PLA2G2D: variants seen among roughly 807,000 people sequenced by gnomAD.
PLA2G2D encodes the protein group IID secretory phospholipase A2.
Under a neutral mutation model 13.9 loss-of-function variants are expected in PLA2G2D, and 17 were observed. The ratio of observed to expected loss-of-function variants is 1.23; its 90% CI spans 0.84 to 1.84. PLA2G2D has a LOEUF of 1.84. Among genes scored for constraint, PLA2G2D ranks in the 40% most tolerant of loss-of-function variants. The pLI is 0.00. For synonymous variants in PLA2G2D, 83 were observed against 69.3 expected, an observed-to-expected ratio of 1.20 and a Z score of -0.98; for missense variants, 194 against 178.7, an observed-to-expected ratio of 1.09 and a Z score of -0.49.
chr1:20,115,126 A>T (rs2016958235), intron 3 of PLA2G2D, among the ~76,000 whole-genome samples: 1 of 152,210 alleles, frequency 6.6e-6, no homozygotes, highest in South Asian at 2.1e-4. Context: ...TGATGATGAA[A>T]GTAACAGCCA....
At chr1:20,114,783 A>AC (rs1001301875) in intron 3 of PLA2G2D, among the ~76,000 whole-genome samples, 7 of 152,158 alleles carry the variant, frequency 4.6e-5, no homozygotes, top group African/African-American at 1.7e-4. Flanking sequence ...AGAGTTGCCT[A>AC]GGGGGCTGTC....
chr1:20,114,241 C>T lies in PLA2G2D; in HGVS notation c.311G>A (p.Cys104Tyr). The T allele has an allele frequency of 6.2e-7, 1 of 1,613,794 alleles. No homozygotes were observed. Among genetic ancestry groups the T allele is most frequent in the East Asian group, 2.2e-5 (1 of 44,880 alleles). ...GTCACAGGCACACAGCTGCTGCTCA[C>T]ACCAGCTTCCCTTGTCAGCTGTGGA... ...NIHCSDKGSW[C>Y]EQQLCACDKE... The change falls in exon 4 of 4, where the codon TGT becomes TAT. Residue 104 changes from cysteine to tyrosine, a missense_variant. Physicochemically the swap from Cys to Tyr is radical, Grantham distance 194. Coordinates refer to ENST00000375105, the MANE Select transcript of PLA2G2D (RefSeq NM_012400.4).
chr1:20,117,651 C>T (rs1466950919), intron 1 of PLA2G2D, among the ~76,000 whole-genome samples: 1 of 152,034 alleles, frequency 6.6e-6, no homozygotes, highest in Admixed American at 6.6e-5. Context: ...TGGAGCTGTG[C>T]CTGTGTGCAA....
intron 1 of PLA2G2D, among the ~76,000 whole-genome samples, chr1:20,117,544 G>A (rs1048363660): frequency 5.3e-5 from 8 of 152,160 alleles, no homozygotes; most frequent in Admixed American, 2.6e-4. Flanking sequence ...TATTTTACTG[G>A]AAGAGAGGAA....
intron 1 of PLA2G2D, among the ~76,000 whole-genome samples, chr1:20,117,122 C>T (rs568214852): frequency 2.0e-5 from 3 of 152,280 alleles, no homozygotes; most frequent in Admixed American, 6.5e-5. Flanking sequence ...TAGAAAGCTC[C>T]TGTATACCCC....
In PLA2G2D at chr1:20,114,248, T is replaced by C. The variant is rs2016939395; in HGVS notation, c.304A>G (p.Ser102Gly). ...QGNIHCSDKG[S>G]WCEQQLCACD... is the part of the protein sequence containing the mutation. The stretch of plus-strand genomic sequence containing the variant: ...GCACACAGCTGCTGCTCACACCAGC[T>C]TCCCTTGTCAGCTGTGGACGGAGAA... Residue 102 changes from serine (S) to glycine (G), a missense_variant, in exon 4 of 4, where the codon AGC (serine) becomes GGC (glycine). By Grantham distance (56) the Ser-to-Gly change is moderately conservative. Transcript: ENST00000375105. 1 of 1,613,424 alleles carries C rather than the reference T, an allele frequency of 6.2e-7. No homozygotes were observed. The highest frequency in any genetic ancestry group is 8.5e-7 in the Non-Finnish European group (1 of 1,179,636).
chr1:20,115,813 C>T (rs1206452378), intron 2 of PLA2G2D, among the ~76,000 whole-genome samples, 200 bp from the exon 3 acceptor site: 1 of 152,204 alleles, frequency 6.6e-6, no homozygotes, highest in Non-Finnish European at 1.5e-5. Context: ...TATGCATTCT[C>T]TCTTACTCCT....
chr1:20,115,753 A>G (rs1407754873), intron 2 of PLA2G2D, 140 bp from the exon 3 acceptor site: 1 of 655,942 alleles, frequency 1.5e-6, no homozygotes, highest in Admixed American at 2.5e-5. Context: ...CAGGATCATG[A>G]TGACTAACAT....
chr1:20,117,244 G>T (rs2017008024), intron 1 of PLA2G2D, among the ~76,000 whole-genome samples: 1 of 152,106 alleles, frequency 6.6e-6, no homozygotes, highest in African/African-American at 2.4e-5. Flanking sequence ...GCAGTTTGAG[G>T]CTCAGTAACT....
Position 20,114,131 on chromosome 1 carries a change from G to GC in PLA2G2D, c.420dup (p.Gln141AlafsTer29). 1 of 1,613,342 alleles carries GC rather than the reference G, an allele frequency of 6.2e-7. No individual in the cohort carries two copies. Among genetic ancestry groups the GC allele is most frequent in the East Asian group, 2.2e-5 (1 of 44,872 alleles). ...GTGGGCTTCTAGCACCCAGGGGTCT[G>GC]CCCCCGGCAGTGGGGCCGCCAGTAG... On this transcript the variant is annotated frameshift_variant, in exon 4 of 4. Transcript: ENST00000375105. LOFTEE classifies it high-confidence loss of function.
chr1:20,114,347 T>G (rs572695588), intron 3 of PLA2G2D, 88 bp from the exon 4 acceptor site: 7 of 1,393,030 alleles, frequency 5.0e-6, no homozygotes, highest in South Asian at 4.1e-5. Flanking sequence ...GTCAGTGCAG[T>G]TCCTACTCAG....
At chr1:20,114,962 C>T (rs1021154356) in intron 3 of PLA2G2D, among the ~76,000 whole-genome samples, 1 of 152,114 alleles carries the variant, frequency 6.6e-6, no homozygotes, top group Non-Finnish European at 1.5e-5. Context: ...GCTTGTGATG[C>T]TGGAAAGGAT....
intron 1 of PLA2G2D, among the ~76,000 whole-genome samples, chr1:20,118,000 T>C (rs1355043203): frequency 5.9e-5 from 9 of 152,084 alleles, no homozygotes; most frequent in Non-Finnish European, 1.2e-4. Context: ...ACATGGTGCC[T>C]CTAGCTGTTA....
chr1:20,114,080 C>T lies in PLA2G2D; in HGVS notation c.*34G>A, dbSNP rs1557766882. The T allele has an allele frequency of 9.4e-6, 15 of 1,597,458 alleles. No individual in the cohort carries two copies. The highest frequency in any genetic ancestry group is 1.2e-5 in the Non-Finnish European group (14 of 1,171,016). ...ATACTGAGGTGGGGATGCCAGAGCT[C>T]CATGCTGAGGAACAGGGTAGAGGGT... On this transcript the variant is annotated 3_prime_UTR_variant, in exon 4 of 4. Coordinates refer to ENST00000375105, the MANE Select transcript of PLA2G2D (RefSeq NM_012400.4).
chr1:20,118,315 G>A (rs1319465157), intron 1 of PLA2G2D, among the ~76,000 whole-genome samples: 1 of 152,164 alleles, frequency 6.6e-6, no homozygotes, highest in Non-Finnish European at 1.5e-5. Context: ...AATACATTCA[G>A]CTTTGATTCA....
At chr1:20,116,746 C>A (rs1280141158) in intron 1 of PLA2G2D, among the ~76,000 whole-genome samples, 1 of 152,022 alleles carries the variant, frequency 6.6e-6, no homozygotes, top group Non-Finnish European at 1.5e-5. Context: ...TTTGAGAGGC[C>A]AAGGTGGGCA....
In PLA2G2D at chr1:20,115,106, C is replaced by A. The variant is rs62541893; in HGVS notation, c.292+401G>T. On this transcript the variant is annotated intron_variant, in intron 3 of 3. Coordinates refer to ENST00000375105, the MANE Select transcript of PLA2G2D (RefSeq NM_012400.4). Reference sequence around the variant, plus strand: ...TTTGCCGATCCTCGACAGGCTGCCACGAGCATCAGTGATGATGAAAGTAAC... The same window carrying A: ...TTTGCCGATCCTCGACAGGCTGCCAAGAGCATCAGTGATGATGAAAGTAAC... 4.6e-5 allele frequency among the ~76,000 whole-genome samples: 7 copies of A among 152,096 alleles called. No individual in the cohort carries two copies. In the East Asian group the frequency reaches 7.7e-4, roughly 17 times the overall value.
In PLA2G2D at chr1:20,112,380, C is replaced by T. The variant is rs768051416; in HGVS notation, c.*1734G>A. 3.3e-5 allele frequency: 5 copies of T among 152,250 alleles called. No individual in the cohort carries two copies. Among genetic ancestry groups the T allele is most frequent in the Non-Finnish European group, 7.3e-5 (5 of 68,092 alleles). The allele number at this position is 152,250 out of a possible 1,614,324, so 9.4% of individuals were successfully genotyped here. On this transcript the variant is annotated 3_prime_UTR_variant, in exon 4 of 4. Transcript: ENST00000375105. ...CAGCTGCCCCCATGGGTATCCCTAC[C>T]TGGAGTGGTGCATAGAACTGGAATT...
chr1:20,116,326 G>GAGTT lies in PLA2G2D; in HGVS notation c.185+3_185+6dup. 6.2e-7 allele frequency: 1 copy of GAGTT among 1,613,998 alleles called. No individual in the cohort carries two copies. Among genetic ancestry groups the GAGTT allele is most frequent in the Middle Eastern group, 1.6e-4 (1 of 6,062 alleles). On this transcript the variant is annotated splice_region_variant and intron_variant, in intron 2 of 3. Coordinates refer to ENST00000375105, the MANE Select transcript of PLA2G2D (RefSeq NM_012400.4). The stretch of plus-strand genomic sequence containing the variant: ...TATAGGATTGCCAGCCCTGAGAAAG[G>GAGTT]AGTTACCAGTCCGTGGCATCTTTGG...
Sources: gnomAD v4.1 joint callset for allele counts (sites outside exome capture counted in the v4.1 genomes callset) on GRCh38, gnomAD v4.1.1 for gene constraint, MANE v1.5 for transcripts, NCBI Gene and HGNC (gene_info 2026-07-23, HGNC 2026-07-21) for gene names.